ZC3H12B: variants seen among roughly 807,000 people sequenced by gnomAD.
The protein encoded by ZC3H12B is zinc finger CCCH-type containing 12B.
A neutral mutation model predicts 43.9 loss-of-function variants in ZC3H12B; 7 were observed. That is an observed-to-expected ratio of 0.16 (90% CI 0.09 to 0.30). The LOEUF (loss-of-function observed/expected upper bound fraction) is 0.30. Among genes scored for constraint, ZC3H12B ranks in the 10% least tolerant of loss-of-function variants. ZC3H12B has a pLI of 1.00. For missense variants in ZC3H12B, 475 were observed against 670.2 expected (o/e 0.71, Z 3.22); for synonymous variants, 222 against 241.7 (o/e 0.92, Z 0.76).
At chrX:65,177,613 C>G in the ZC3H12B span, among the ~76,000 whole-genome samples, 1 of 112,036 alleles carries the variant, frequency 8.9e-6, no homozygotes, top group Non-Finnish European at 1.9e-5. Context: ...GCAAAAATCA[C>G]CAGCATTCCT....
chrX:65,425,777 A>G (rs1187798127), intron 3 of ZC3H12B, among the ~76,000 whole-genome samples: 4 of 111,793 alleles, frequency 3.6e-5, no homozygotes, highest in Non-Finnish European at 5.6e-5. Context: ...TGATTTGTGT[A>G]TGTTGAAAAA....
At chrX:65,239,264 G>T in the ZC3H12B span, among the ~76,000 whole-genome samples, 1 of 110,874 alleles carries the variant, frequency 9.0e-6, no homozygotes, top group African/African-American at 3.3e-5. Flanking sequence ...TCCCATATTG[G>T]GTGCATATGT....
the ZC3H12B span, among the ~76,000 whole-genome samples, chrX:65,222,614 T>TAAA: frequency 1.2e-5 from 1 of 80,308 alleles, no homozygotes; most frequent in East Asian, 3.2e-4. Context: ...ATAATAATAA[T>TAAA]AATAATAATA....
chrX:65,158,346 A>G, the ZC3H12B span, among the ~76,000 whole-genome samples: 4 of 111,585 alleles, frequency 3.6e-5, no homozygotes, highest in African/African-American at 9.8e-5. Flanking sequence ...AGGAATCGCC[A>G]CACTGACTTC....
the ZC3H12B span, among the ~76,000 whole-genome samples, chrX:65,209,666 G>T: frequency 2.0e-4 from 22 of 110,358 alleles, no homozygotes; most frequent in South Asian, 7.1e-3. Context: ...TTGATTTGGG[G>T]TGGAGAGTTC....
chrX:65,242,650 A>G, the ZC3H12B span, among the ~76,000 whole-genome samples: 1 of 112,071 alleles, frequency 8.9e-6, no homozygotes, highest in Admixed American at 9.5e-5. Flanking sequence ...ATATGGAATC[A>G]CAGGGACCCA....
the ZC3H12B span, among the ~76,000 whole-genome samples, chrX:65,264,133 A>G: frequency 9.0e-6 from 1 of 111,577 alleles, no homozygotes; most frequent in Non-Finnish European, 1.9e-5. Flanking sequence ...CCAGAGTGGT[A>G]TAATGAATAT....
the ZC3H12B span, among the ~76,000 whole-genome samples, chrX:65,255,751 T>C: frequency 8.9e-6 from 1 of 112,161 alleles, no homozygotes; most frequent in Non-Finnish European, 1.9e-5. Flanking sequence ...GAAAGTTGGA[T>C]AAAGAAGCAA....
the ZC3H12B span, among the ~76,000 whole-genome samples, chrX:65,066,778 G>A: frequency 8.9e-6 from 1 of 111,883 alleles, no homozygotes; most frequent in African/African-American, 3.3e-5. Flanking sequence ...CAGGGTGATG[G>A]GAGTTTTATC....
At chrX:65,444,250 A>G (rs1029622789) in intron 3 of ZC3H12B, among the ~76,000 whole-genome samples, 1 of 112,379 alleles carries the variant, frequency 8.9e-6, no homozygotes, top group Non-Finnish European at 1.9e-5. Flanking sequence ...TAACAACTTC[A>G]CACTGAGTTT....
At chrX:65,392,629 G>C (rs1312588522) in intron 2 of ZC3H12B, among the ~76,000 whole-genome samples, 1 of 111,426 alleles carries the variant, frequency 9.0e-6, no homozygotes, top group Non-Finnish European at 1.9e-5. Flanking sequence ...CGTCTGGGAG[G>C]TGGGGGGCGC....
the ZC3H12B span, among the ~76,000 whole-genome samples, chrX:65,144,588 T>G: frequency 8.9e-6 from 1 of 112,035 alleles, no homozygotes; most frequent in African/African-American, 3.2e-5. Flanking sequence ...TCTTTGAGAC[T>G]TTTGGATGTA....
the ZC3H12B span, among the ~76,000 whole-genome samples, chrX:65,278,520 T>A: frequency 8.9e-5 from 10 of 112,048 alleles, no homozygotes; most frequent in South Asian, 3.7e-4. Flanking sequence ...CCTTTACTTT[T>A]TTGATAATCT....
the ZC3H12B span, among the ~76,000 whole-genome samples, chrX:65,189,826 C>T: frequency 1.8e-5 from 2 of 110,867 alleles, no homozygotes; most frequent in Admixed American, 9.6e-5. Context: ...TCAATTTTGC[C>T]TTCTGTTGCC....
At chrX:65,120,079 G>A in the ZC3H12B span, among the ~76,000 whole-genome samples, 275 of 111,885 alleles carry the variant, frequency 2.5e-3, 2 homozygotes, top group African/African-American at 7.8e-3. Flanking sequence ...GTCAGGTAGC[G>A]TGATGCCTCT....
the ZC3H12B span, among the ~76,000 whole-genome samples, chrX:65,324,026 C>A: frequency 1.8e-5 from 2 of 111,964 alleles, no homozygotes; most frequent in Non-Finnish European, 3.8e-5. Flanking sequence ...ACTTTGCCCA[C>A]TTTTTGATAA....
the ZC3H12B span, among the ~76,000 whole-genome samples, chrX:65,071,703 C>T: frequency 8.9e-6 from 1 of 111,786 alleles, no homozygotes; most frequent in African/African-American, 3.3e-5. Context: ...TTCTTGTTTG[C>T]ATATGAAGCT....
chrX:65,236,122 TAAAC>T, the ZC3H12B span, among the ~76,000 whole-genome samples: 2 of 111,913 alleles, frequency 1.8e-5, no homozygotes, highest in East Asian at 2.8e-4. Flanking sequence ...CAGAAGGAAA[TAAAC>T]AAGAGAGAGA....
At chrX:65,220,326 C>G in the ZC3H12B span, among the ~76,000 whole-genome samples, 1 of 111,445 alleles carries the variant, frequency 9.0e-6, no homozygotes, top group African/African-American at 3.3e-5. Context: ...CAGCAAATAG[C>G]ATAATGAATA....
Sources: gnomAD v4.1 joint callset for allele counts (sites outside exome capture counted in the v4.1 genomes callset) on GRCh38, gnomAD v4.1.1 for gene constraint, MANE v1.5 for transcripts, NCBI Gene and HGNC (gene_info 2026-07-23, HGNC 2026-07-21) for gene names.